Variants in USH2A observed in about 807,000 individuals in gnomAD.
The protein encoded by USH2A is usherin, also known as Usher syndrome 2A (autosomal recessive, mild).
USH2A carries 443 observed loss-of-function variants against 538.9 expected under a neutral mutation model. The ratio of observed to expected loss-of-function variants is 0.82; its 90% CI spans 0.76 to 0.89. The LOEUF is 0.89. Ranked by LOEUF, USH2A falls within the 40% of genes least tolerant of loss-of-function variation. USH2A has a pLI of 0.00. For synonymous variants in USH2A, 2,413 were observed against 2,273.5 expected, an observed-to-expected ratio of 1.06 and a Z score of -1.75; for missense variants, 6,633 against 6,324.8, an observed-to-expected ratio of 1.05 and a Z score of -1.65.
intron 3 of USH2A, among the ~76,000 whole-genome samples, chr1:216,376,693 C>G (rs946459020): frequency 6.6e-6 from 1 of 151,976 alleles, no homozygotes; most frequent in Admixed American, 6.6e-5. Flanking sequence ...AGGGAATAAG[C>G]CAAAGTATAC....
At chr1:215,758,467 T>A (rs1031158545) in intron 58 of USH2A, 128 bp downstream of exon 58, 1 of 1,161,284 alleles carries the variant, frequency 8.6e-7, no homozygotes, top group African/African-American at 1.6e-5. Context: ...TAGATTTTTC[T>A]GTTCATATTT....
chr1:216,201,254 C>T (rs2034991932), intron 16 of USH2A, among the ~76,000 whole-genome samples: 1 of 151,142 alleles, frequency 6.6e-6, no homozygotes, highest in African/African-American at 2.4e-5. Flanking sequence ...ACAAAAGACA[C>T]AAATCTTTGG....
intron 13 of USH2A, among the ~76,000 whole-genome samples, chr1:216,238,099 A>C (rs1330876614): frequency 2.0e-5 from 3 of 152,198 alleles, no homozygotes; most frequent in African/African-American, 7.2e-5. Context: ...TTACTTAATA[A>C]ATATGATGTG....
chr1:216,262,312 C>T (rs1445965762), intron 11 of USH2A, among the ~76,000 whole-genome samples: 1 of 151,528 alleles, frequency 6.6e-6, no homozygotes, highest in South Asian at 2.1e-4. Flanking sequence ...AGATATGCAA[C>T]TGAAAAAAAT....
rs543971457 is a variant in USH2A at position 215,915,553 on chromosome 1, A to T, written c.7301-14648T>A. Among the ~76,000 whole-genome samples, 4 of 152,166 alleles carry T rather than the reference A, an allele frequency of 2.6e-5. No homozygotes were observed. In the East Asian group the frequency reaches 5.8e-4, roughly 22 times the overall value. ...ACTTTTTTCTCTTTTACTTGTCAAG[A>T]CACCCTTGGCTCTGAGAAAGGACTC... On this transcript the variant is annotated intron_variant, in intron 38 of 71. Coordinates refer to ENST00000307340, the MANE Select transcript of USH2A (RefSeq NM_206933.4).
intron 61 of USH2A, among the ~76,000 whole-genome samples, chr1:215,726,785 A>G (rs1659831189): frequency 6.6e-6 from 1 of 152,208 alleles, no homozygotes; most frequent in Non-Finnish European, 1.5e-5. Flanking sequence ...TTGATCTCCC[A>G]GAGCATTTCT....
intron 60 of USH2A, among the ~76,000 whole-genome samples, chr1:215,737,245 C>T (rs1041230873): frequency 6.6e-6 from 1 of 151,690 alleles, no homozygotes; most frequent in African/African-American, 2.4e-5. Context: ...AAATAGAAAA[C>T]ATTAATGTTA....
chr1:216,247,170 C>T lies in USH2A; in HGVS notation c.2224G>A (p.Val742Ile). ...GFKFLRSFND[V>I]GCEPCQCNLH... ...TTACACTGGCAGGGCTCACATCCAA[C>T]ATCATTAAAGCTTCGGAGAAATTTA... is the stretch of plus-strand genomic sequence containing the variant. Residue 742 changes from valine to isoleucine, a missense_variant, in exon 13 of 72, where the codon GTT becomes ATT. By Grantham distance (29) the Val-to-Ile change is conservative. Transcript: ENST00000307340. 1.9e-6 allele frequency: 3 copies of T among 1,614,084 alleles called. No individual in the cohort carries two copies. Among genetic ancestry groups the T allele is most frequent in the South Asian group, 1.1e-5 (1 of 91,086 alleles).
chr1:215,977,732 C>T lies in USH2A; in HGVS notation c.6806-6956G>A, dbSNP rs927768312. On this transcript the variant is annotated intron_variant, in intron 35 of 71. Coordinates refer to ENST00000307340, the MANE Select transcript of USH2A (RefSeq NM_206933.4). ...TTCACTGTATTGGCCAGGCTAGTCT[C>T]GAACTCCTGACCTTGTGATCCACCC... 5.3e-5 allele frequency among the ~76,000 whole-genome samples: 8 copies of T among 152,092 alleles called. No individual in the cohort carries two copies. In the South Asian group the frequency reaches 8.3e-4, roughly 16 times the overall value.
chr1:215,863,754 C>T (rs1227275480), intron 44 of USH2A, among the ~76,000 whole-genome samples: 2 of 151,920 alleles, frequency 1.3e-5, no homozygotes, highest in Non-Finnish European at 2.9e-5. Context: ...GAGAGAGGAT[C>T]ACTTGAGCCC....
In USH2A at chr1:215,810,077, T is replaced by C. The variant is rs6657004; in HGVS notation, c.9739+3659A>G. 5.3e-3 allele frequency among the ~76,000 whole-genome samples: 809 copies of C among 152,240 alleles called. 6 individuals carry two copies. Among genetic ancestry groups the C allele is most frequent in the African/African-American group, 0.018 (748 of 41,546 alleles). On this transcript the variant is annotated intron_variant, in intron 49 of 71. Transcript: ENST00000307340. ...TTATTTCATGAGATTGCTTTTTTCC[T>C]TTTTTCTTGACACCAGGGTATGCAT...
At chr1:215,784,300 T>C (rs1484398368) in intron 52 of USH2A, among the ~76,000 whole-genome samples, 1 of 152,224 alleles carries the variant, frequency 6.6e-6, no homozygotes, top group African/African-American at 2.4e-5. Context: ...TTCTGGATTC[T>C]GGATACCTGA....
intron 11 of USH2A, among the ~76,000 whole-genome samples, chr1:216,285,562 G>A (rs1303561250): frequency 1.3e-5 from 2 of 152,232 alleles, no homozygotes; most frequent in Non-Finnish European, 2.9e-5. Context: ...CCCACACAGA[G>A]TCCCCACTGG....
At chr1:215,794,395 G>A (rs529258691) in intron 50 of USH2A, among the ~76,000 whole-genome samples, 9 of 152,318 alleles carry the variant, frequency 5.9e-5, no homozygotes, top group East Asian at 3.9e-4. Context: ...GCCAGGCAGC[G>A]AGAGAGGCCA....
intron 44 of USH2A, among the ~76,000 whole-genome samples, chr1:215,861,807 A>G (rs970464): frequency 0.58 from 87,295 of 149,978 alleles, 25,661 homozygotes; most frequent in Admixed American, 0.66. Context: ...AAAGAGGAGA[A>G]TGGATGCCAT....
intron 61 of USH2A, among the ~76,000 whole-genome samples, chr1:215,725,688 C>A (rs1205567462): frequency 1.3e-5 from 2 of 152,088 alleles, no homozygotes; most frequent in African/African-American, 2.4e-5. Flanking sequence ...TCTGGCTAAT[C>A]TATTCGACAT....
intron 32 of USH2A, among the ~76,000 whole-genome samples, chr1:216,025,622 G>C (rs900224550): frequency 6.6e-6 from 1 of 152,038 alleles, no homozygotes; most frequent in African/African-American, 2.4e-5. Flanking sequence ...GTTTTCAATA[G>C]ATGCTGTATT....
At chr1:215,962,855 G>T (rs4100655) in intron 37 of USH2A, among the ~76,000 whole-genome samples, 61,156 of 151,834 alleles carry the variant, frequency 0.4, 12,716 homozygotes, top group East Asian at 0.68. Flanking sequence ...ACTTTGATAC[G>T]TGCCACTTCA....
intron 21 of USH2A, among the ~76,000 whole-genome samples, chr1:216,155,775 T>C (rs2033924951): frequency 6.6e-6 from 1 of 152,178 alleles, no homozygotes. Context: ...CCTTGGACAA[T>C]TGCAAGAATG....
Sources: gnomAD v4.1 joint callset for allele counts (sites outside exome capture counted in the v4.1 genomes callset) on GRCh38, gnomAD v4.1.1 for gene constraint, MANE v1.5 for transcripts, NCBI Gene and HGNC (gene_info 2026-07-23, HGNC 2026-07-21) for gene names.